Variants in PNPLA7 observed in about 807,000 individuals in gnomAD.
PNPLA7 encodes patatin-like phospholipase domain-containing protein 7.
A neutral mutation model predicts 161.7 loss-of-function variants in PNPLA7; 153 were observed. That is an observed-to-expected ratio of 0.95 (90% CI 0.83 to 1.08). The LOEUF (loss-of-function observed/expected upper bound fraction) is 1.08. Ranked by LOEUF, PNPLA7 falls within the 50% of genes least tolerant of loss-of-function variation. The pLI is 0.00. For missense variants in PNPLA7, 1,739 were observed against 1,856.6 expected (o/e 0.94, Z 1.16); for synonymous variants, 809 against 782.1 (o/e 1.03, Z -0.57).
In PNPLA7 at chr9:137,547,798, G is replaced by T; in HGVS notation, c.31-139C>A. 1.3e-6 allele frequency: 1 copy of T among 777,960 alleles called. No homozygotes were observed. Among genetic ancestry groups the T allele is most frequent in the African/African-American group, 1.7e-5 (1 of 58,206 alleles). 48.2% of individuals were successfully genotyped at this position (777,960 alleles called of 1,614,324 possible). A position where few individuals can be genotyped will look rare whatever the true frequency, so the allele number is the denominator to read the frequency against. On this transcript the variant is annotated intron_variant, in intron 1 of 34. Transcript: ENST00000406427. The surrounding 1 kb of genome is among the most constrained non-coding windows in gnomAD (Gnocchi z 4.6). ...CTTCTGGGAAGAAGTGATCTCGCCC[G>T]GGGTGCCGGGGTCCTCTGAGCCCCC... is the stretch of plus-strand genomic sequence containing the variant.
intron 25 of PNPLA7, among the ~76,000 whole-genome samples, chr9:137,473,057 A>G (rs193275770): frequency 1.3e-5 from 2 of 152,220 alleles, no homozygotes; most frequent in Admixed American, 6.5e-5. Flanking sequence ...CACATCTTAC[A>G]TGGTGGCAGG....
At chr9:137,479,676 G>A (rs1439848437) in intron 23 of PNPLA7, 3 of 985,422 alleles carry the variant, frequency 3.0e-6, no homozygotes, top group Non-Finnish European at 3.6e-6. Flanking sequence ...GGAGGGAGAC[G>A]GGAAATGCAA....
rs772896209 is a variant in PNPLA7, at chr9:137,499,601, G to A, written c.1757+1090C>T. Among the ~76,000 whole-genome samples the A allele has an allele frequency of 1.3e-5, 2 of 152,228 alleles. No homozygotes were observed. Among genetic ancestry groups the A allele is most frequent in the African/African-American group, 2.4e-5 (1 of 41,456 alleles). ...AGCACGCTGCGGTGTCAGGGCACCC[G>A]GCATCGGGACCTGGCTGGAGCCACT... is the stretch of plus-strand genomic sequence containing the variant. On this transcript the variant is annotated intron_variant, in intron 16 of 34. Transcript: ENST00000406427. This position sits in a 1 kb window ranked among gnomAD's most constrained non-coding sequence, Gnocchi z 5.5.
chr9:137,517,442 T>C (rs1239459981), intron 11 of PNPLA7, among the ~76,000 whole-genome samples: 5 of 13,290 alleles, frequency 3.8e-4, no homozygotes, highest in Admixed American at 6.9e-4. Flanking sequence ...ACTCCATCCC[T>C]CACTCACTCA....
chr9:137,492,669 G>A (rs1421742461), intron 20 of PNPLA7, among the ~76,000 whole-genome samples: 2 of 151,042 alleles, frequency 1.3e-5, no homozygotes, highest in Non-Finnish European at 3.0e-5. Context: ...GCCATGGTCT[G>A]GGTGGGTGAG....
Position 137,542,710 on chromosome 9 carries a change from G to T in PNPLA7, c.598C>A (p.Pro200Thr). 6.2e-7 allele frequency: 1 copy of T among 1,613,542 alleles called. No homozygotes were observed. The change falls in exon 7 of 35, where the codon CCC becomes ACC. Residue 200 changes from proline to threonine, a missense_variant. Around this residue, in one of 6 missense-constraint regions of PNPLA7, gnomAD observed 209 missense variants for 252.8 expected, o/e 0.83. Transcript: ENST00000406427. ...QLQEGEHVFQ[P>T]REPDPSICVV... Reference sequence around the variant, plus strand: ...CAGATGCTGGGGTCCGGCTCCCTGGGCTGGAAGACGTGCTCCCCTTCCTGC... The same window carrying T: ...CAGATGCTGGGGTCCGGCTCCCTGGTCTGGAAGACGTGCTCCCCTTCCTGC...
chr9:137,527,041 G>C lies in PNPLA7; in HGVS notation c.748-4184C>G, dbSNP rs577072338. Among the ~76,000 whole-genome samples, 21 of 152,264 alleles carry C rather than the reference G, an allele frequency of 1.4e-4. No individual in the cohort carries two copies. In the South Asian group the frequency reaches 4.3e-3, roughly 32 times the overall value. Reference sequence around the variant, plus strand: ...CCCAGCACTTTGGGAGGCCGAGGCAGGTAGATCACGAGGTCAGGAATTCAA... The same window carrying C: ...CCCAGCACTTTGGGAGGCCGAGGCACGTAGATCACGAGGTCAGGAATTCAA... On this transcript the variant is annotated intron_variant, in intron 8 of 34. Transcript: ENST00000406427.
At chr9:137,515,290 G>T in intron 12 of PNPLA7, 89 bp downstream of exon 12, 2 of 1,495,104 alleles carry the variant, frequency 1.3e-6, no homozygotes, top group Non-Finnish European at 1.8e-6. Flanking sequence ...CCTCGGCGGC[G>T]ATGCTGGGCA....
intron 25 of PNPLA7, among the ~76,000 whole-genome samples, chr9:137,472,961 G>GA (rs1033858696): frequency 4.0e-4 from 60 of 149,660 alleles, no homozygotes; most frequent in Admixed American, 1.2e-3. Context: ...TCTCAAAAAA[G>GA]AAAAAAAAAT....
chr9:137,542,750 G>T lies in PNPLA7; in HGVS notation c.558C>A (p.Ile186=), dbSNP rs143980960. 3 of 1,613,840 alleles carry T rather than the reference G, an allele frequency of 1.9e-6. No individual in the cohort carries two copies. The highest frequency in any genetic ancestry group is 1.7e-6 in the Non-Finnish European group (2 of 1,180,036). Residue 186 remains isoleucine, a synonymous_variant, in exon 7 of 35, where the codon ATC becomes ATA. Coordinates refer to ENST00000406427, the MANE Select transcript of PNPLA7 (RefSeq NM_001098537.3). The part of the protein sequence containing the change: ...KPLFLELCKH[I]VFVQLQEGEH... ...CCCCTTCCTGCAGCTGCACAAAGACGATGTGTTTGCAAAGCTCCAGGAACA... is the reference window on the plus strand; with the variant it reads ...CCCCTTCCTGCAGCTGCACAAAGACTATGTGTTTGCAAAGCTCCAGGAACA...
intron 14 of PNPLA7, among the ~76,000 whole-genome samples, chr9:137,502,180 G>C (rs138658576): frequency 1.2e-3 from 180 of 152,252 alleles, no homozygotes; most frequent in African/African-American, 3.8e-3. Context: ...CCAACACACT[G>C]GAACCCAGAA....
intron 4 of PNPLA7, among the ~76,000 whole-genome samples, chr9:137,544,164 T>G (rs1257162941): frequency 6.6e-6 from 1 of 152,128 alleles, no homozygotes; most frequent in East Asian, 1.9e-4. Flanking sequence ...CCTTTAAAAA[T>G]CCACCACTGT....
In PNPLA7 at chr9:137,546,842, C is replaced by A. The variant is rs1836556110; in HGVS notation, c.261G>T (p.Lys87Asn). The change falls in exon 4 of 35, where the codon AAG (lysine) becomes AAT (asparagine). Residue 87 changes from lysine to asparagine, a missense_variant. Physicochemically the swap from Lys to Asn is moderately conservative, Grantham distance 94. This residue lies in a region of PNPLA7 where 209 missense variants were observed against 252.8 expected (regional missense o/e 0.83). Coordinates refer to ENST00000406427, the MANE Select transcript of PNPLA7 (RefSeq NM_001098537.3). ...GAGCAACAGCTACCTTCCTCATGAT[C>A]TTCCGGCCGTAAAACATCACTTTGT... Reference protein sequence around the residue: ...KRDKVMFYGRKIMRKVTTLPN... With the variant: ...KRDKVMFYGRNIMRKVTTLPN... 1.9e-6 allele frequency: 3 copies of A among 1,613,894 alleles called. No homozygotes were observed. Among genetic ancestry groups the A allele is most frequent in the African/African-American group, 2.7e-5 (2 of 75,058 alleles).
At position 137,500,926 on chromosome 9, in the gene PNPLA7, G is replaced by A. The variant is rs916395526; in HGVS notation, c.1552-30C>T. Reference sequence around the variant, plus strand: ...CACACGAGAGGGCTCAGGAGGCGCCGCGAGTGGCCGCGGGCAGGACGGGGG... The same window carrying A: ...CACACGAGAGGGCTCAGGAGGCGCCACGAGTGGCCGCGGGCAGGACGGGGG... On this transcript the variant is annotated intron_variant, in intron 15 of 34. Transcript: ENST00000406427. This position sits in a 1 kb window ranked among gnomAD's most constrained non-coding sequence, Gnocchi z 5.5. The A allele has an allele frequency of 2.0e-5, 31 of 1,534,756 alleles. No homozygotes were observed. Among genetic ancestry groups the A allele is most frequent in the African/African-American group, 8.2e-5 (6 of 73,334 alleles).
At chr9:137,535,731 T>C (rs1268898910) in intron 8 of PNPLA7, among the ~76,000 whole-genome samples, 14 of 131,196 alleles carry the variant, frequency 1.1e-4, no homozygotes, top group Middle Eastern at 5.1e-3. Context: ...CCAGCCTGGG[T>C]GACAGGGCAA....
chr9:137,545,111 A>G (rs1020254856), intron 4 of PNPLA7, among the ~76,000 whole-genome samples: 1 of 152,028 alleles, frequency 6.6e-6, no homozygotes, highest in Non-Finnish European at 1.5e-5. Flanking sequence ...CGGCCAGGGG[A>G]GGCCTCCGAC....
At position 137,547,766 on chromosome 9, in the gene PNPLA7, C is replaced by T; in HGVS notation, c.31-107G>A. 1.9e-6 allele frequency: 2 copies of T among 1,045,692 alleles called. No homozygotes were observed. Among genetic ancestry groups the T allele is most frequent in the Non-Finnish European group, 3.0e-6 (2 of 675,042 alleles). 64.8% of individuals were successfully genotyped at this position (1,045,692 alleles called of 1,614,324 possible). ...GGAGTTAGGGGAGAAGTCAGCAGCCCTGGAGACTTCTGGGAAGAAGTGATC... is the reference window on the plus strand; with the variant it reads ...GGAGTTAGGGGAGAAGTCAGCAGCCTTGGAGACTTCTGGGAAGAAGTGATC... On this transcript the variant is annotated intron_variant, in intron 1 of 34. Transcript: ENST00000406427. The surrounding 1 kb of genome is among the most constrained non-coding windows in gnomAD (Gnocchi z 4.6).
In PNPLA7 at chr9:137,520,101, G is replaced by C; in HGVS notation, c.958-58C>G. ...CAGGAACACCCCACACCCACTGACAGGTGTGGGCTCCTCAAAGGTGTGACA... is the reference window on the plus strand; with the variant it reads ...CAGGAACACCCCACACCCACTGACACGTGTGGGCTCCTCAAAGGTGTGACA... On this transcript the variant is annotated intron_variant, in intron 10 of 34. Coordinates refer to ENST00000406427, the MANE Select transcript of PNPLA7 (RefSeq NM_001098537.3). The surrounding 1 kb of genome is among the most constrained non-coding windows in gnomAD (Gnocchi z 5.2). 1 of 1,599,706 alleles carries C rather than the reference G, an allele frequency of 6.3e-7. No homozygotes were observed. The highest frequency in any genetic ancestry group is 8.5e-7 in the Non-Finnish European group (1 of 1,175,202).
chr9:137,548,003 C>T (rs748783612), intron 1 of PNPLA7, among the ~76,000 whole-genome samples: 3 of 152,164 alleles, frequency 2.0e-5, no homozygotes, highest in South Asian at 2.1e-4. Flanking sequence ...CTCTCAGTGT[C>T]GCCTCAGCCC....
Sources: allele counts gnomAD v4.1 joint callset (sites outside exome capture counted in the v4.1 genomes callset), GRCh38; gene constraint gnomAD v4.1.1; regional missense constraint gnomAD v4.1.1; non-coding constraint Gnocchi (gnomAD v3.1); transcripts MANE v1.5; gene names NCBI Gene and HGNC (gene_info 2026-07-23, HGNC 2026-07-21).